CHL1: variants seen among roughly 807,000 people sequenced by gnomAD.
The protein encoded by CHL1 is cell adhesion molecule L1 like.
Under a neutral mutation model 141.9 loss-of-function variants are expected in CHL1, and 96 were observed. The ratio of observed to expected loss-of-function variants is 0.68; its 90% confidence interval spans 0.57 to 0.80. The LOEUF is 0.80. CHL1 is among the 30% of genes least tolerant of loss of function. The pLI is 0.00. For synonymous variants in CHL1, 613 were observed against 502.2 expected (o/e 1.22, Z -2.95); for missense variants, 1,820 against 1,457.2 (o/e 1.25, Z -4.05).
In CHL1 at chr3:377,949, G is replaced by A; in HGVS notation, c.1876+7G>A. 3 of 1,591,548 alleles carry A rather than the reference G, an allele frequency of 1.9e-6. No individual in the cohort carries two copies. Among genetic ancestry groups the A allele is most frequent in the Non-Finnish European group, 2.6e-6 (3 of 1,172,252 alleles). On this transcript the variant is annotated splice_region_variant and intron_variant, in intron 16 of 27. Coordinates refer to ENST00000256509, the MANE Select transcript of CHL1 (RefSeq NM_006614.4). ...ACTCAAGTAACTGTTCTTGGTAAGT[G>A]CACTAACTAATGAGAAATCTGTTCA... is the stretch of plus-strand genomic sequence containing the variant.
At chr3:312,807 T>A (rs748234746) in intron 2 of CHL1, among the ~76,000 whole-genome samples, 1 of 152,176 alleles carries the variant, frequency 6.6e-6, no homozygotes, top group Non-Finnish European at 1.5e-5. Flanking sequence ...AATTTAAACA[T>A]TTCCGAGTTA....
At chr3:228,475 G>A (rs1489717937) in intron 1 of CHL1, among the ~76,000 whole-genome samples, 1 of 112,978 alleles carries the variant, frequency 8.9e-6, no homozygotes, top group East Asian at 2.2e-4. Context: ...GTGTAAATAT[G>A]TGTACACACA....
chr3:398,316 C>T lies in CHL1; in HGVS notation c.3184C>T (p.Arg1062Cys), dbSNP rs555557287. ...VFEPGAEHIV[R>C]LMTKNWGDND... Reference sequence around the variant, plus strand: ...TGAGCCGGGAGCTGAACATATAGTTCGCCTAATGACTAAGAATTGGGGCGA... The same window carrying T: ...TGAGCCGGGAGCTGAACATATAGTTTGCCTAATGACTAAGAATTGGGGCGA... Residue 1062 changes from arginine (R) to cysteine (C), a missense_variant, in exon 25 of 28, where the codon CGC becomes TGC. Physicochemically the swap from Arg to Cys is radical, Grantham distance 180. Transcript: ENST00000256509. 23 of 1,607,404 alleles carry T rather than the reference C, an allele frequency of 1.4e-5. No individual in the cohort carries two copies. Among genetic ancestry groups the T allele is most frequent in the East Asian group, 2.2e-5 (1 of 44,798 alleles).
In CHL1 at chr3:365,763, T is replaced by A. The variant is rs183390732; in HGVS notation, c.1586-187T>A. ...AGTTGATATTTCCACTTAAATTTTG[T>A]CAGATGTCCAAGCCTGGATGGAAAG... On this transcript the variant is annotated intron_variant, in intron 14 of 27. Transcript: ENST00000256509. 1.1e-4 allele frequency among the ~76,000 whole-genome samples: 16 copies of A among 152,324 alleles called. 1 individual carries two copies. The East Asian group carries it at 3.1e-3, about 29-fold the overall frequency.
intron 11 of CHL1, among the ~76,000 whole-genome samples, chr3:358,509 G>A (rs1439653380): frequency 1.3e-5 from 2 of 152,206 alleles, no homozygotes; most frequent in African/African-American, 2.4e-5. Context: ...GACTTAGAAC[G>A]TGTACATCTT....
intron 3 of CHL1, among the ~76,000 whole-genome samples, chr3:323,063 T>C (rs917815751): frequency 6.6e-6 from 1 of 152,036 alleles, no homozygotes; most frequent in Non-Finnish European, 1.5e-5. Context: ...ACAATCTCTA[T>C]TTCTTAATTG....
chr3:370,875 A>G (rs990076933), intron 15 of CHL1, among the ~76,000 whole-genome samples: 6 of 152,188 alleles, frequency 3.9e-5, no homozygotes, highest in Non-Finnish European at 7.4e-5. Context: ...GGAGTCATTC[A>G]GGAGCAAGTT....
At chr3:253,595 A>T (rs112334453) in intron 2 of CHL1, among the ~76,000 whole-genome samples, 1,529 of 152,286 alleles carry the variant, frequency 0.01, 34 homozygotes, top group African/African-American at 0.036. Context: ...CCAATAATAC[A>T]ACATCTTAAA....
At chr3:392,745 G>C (rs376109137) in intron 23 of CHL1, among the ~76,000 whole-genome samples, 1 of 152,144 alleles carries the variant, frequency 6.6e-6, no homozygotes, top group African/African-American at 2.4e-5. Context: ...TCCAGGTCAC[G>C]TATTTGCTTT....
At chr3:328,543 A>C (rs1575079656) in intron 5 of CHL1, 189 bp downstream of exon 5, 1 of 455,670 alleles carries the variant, frequency 2.2e-6, no homozygotes, top group East Asian at 3.4e-5. Flanking sequence ...AGAAAACAAC[A>C]TAATTTGACT....
At position 342,849 on chromosome 3, in the gene CHL1, AG is replaced by A. The variant is rs1702445295; in HGVS notation, c.680-133del. The A allele has an allele frequency of 6.7e-6, 4 of 595,422 alleles. No individual in the cohort carries two copies. In the South Asian group the frequency reaches 9.7e-5, roughly 14 times the overall value. The allele number at this position is 595,422 out of a possible 1,614,324, so 36.9% of individuals were successfully genotyped here. A position where few individuals can be genotyped will look rare whatever the true frequency, so the allele number is the denominator to read the frequency against. ...TTTCTATGTAAAACTATATTCCCAAAGGCAATGTTCTAGTGAAGCATGGTTC... is the reference window on the plus strand; with the variant it reads ...TTTCTATGTAAAACTATATTCCCAAAGCAATGTTCTAGTGAAGCATGGTTC... On this transcript the variant is annotated intron_variant, in intron 7 of 27. Transcript: ENST00000256509.
intron 12 of CHL1, among the ~76,000 whole-genome samples, 165 bp from the exon 13 acceptor site, chr3:361,534 C>A (rs1018817457): frequency 6.6e-6 from 1 of 152,180 alleles, no homozygotes; most frequent in African/African-American, 2.4e-5. Flanking sequence ...AGAAATTGTA[C>A]TTTCAAAAAT....
At chr3:224,187 A>G (rs888891882) in intron 1 of CHL1, among the ~76,000 whole-genome samples, 5 of 152,092 alleles carry the variant, frequency 3.3e-5, no homozygotes, top group Non-Finnish European at 5.9e-5. Context: ...CTGAACAAGG[A>G]GGGAGTAGTT....
At chr3:362,325 AT>A (rs1157730734) in intron 13 of CHL1, among the ~76,000 whole-genome samples, 1 of 152,162 alleles carries the variant, frequency 6.6e-6, no homozygotes, top group Non-Finnish European at 1.5e-5. Flanking sequence ...GCTTGGTTAA[AT>A]AGTTCTTGAA....
intron 10 of CHL1, among the ~76,000 whole-genome samples, chr3:350,891 G>A (rs1293679467): frequency 6.6e-6 from 1 of 152,146 alleles, no homozygotes; most frequent in Non-Finnish European, 1.5e-5. Context: ...AGGAAGAAGA[G>A]TTTGAAAGAT....
intron 20 of CHL1, 116 bp downstream of exon 20, chr3:389,590 C>A: frequency 2.7e-6 from 2 of 749,592 alleles, no homozygotes; most frequent in South Asian, 3.5e-5. Flanking sequence ...GATGTACTAG[C>A]CGTGGGAGAT....
At chr3:252,947 G>T (rs3913283) in intron 2 of CHL1, among the ~76,000 whole-genome samples, 8 of 151,478 alleles carry the variant, frequency 5.3e-5, no homozygotes, top group Non-Finnish European at 1.2e-4. Flanking sequence ...TTACTGTAAT[G>T]TAACTATATA....
chr3:336,996 G>A (rs1701916091), intron 5 of CHL1, among the ~76,000 whole-genome samples: 1 of 152,050 alleles, frequency 6.6e-6, no homozygotes, highest in Non-Finnish European at 1.5e-5. Context: ...TACCCTTGGT[G>A]TTAGTTGTTG....
intron 24 of CHL1, among the ~76,000 whole-genome samples, chr3:395,779 A>G (rs79271067): frequency 1.1e-3 from 167 of 152,366 alleles, no homozygotes; most frequent in Middle Eastern, 6.8e-3. Flanking sequence ...ATCTAATACT[A>G]TGTGTCAGAC....
Sources: gnomAD v4.1 joint callset for allele counts (sites outside exome capture counted in the v4.1 genomes callset) on GRCh38, gnomAD v4.1.1 for gene constraint, MANE v1.5 for transcripts, NCBI Gene and HGNC (gene_info 2026-07-23, HGNC 2026-07-21) for gene names.